TMEM178A: variants seen among roughly 807,000 people sequenced by gnomAD.
TMEM178A encodes transmembrane protein 178A.
TMEM178A carries 12 observed loss-of-function variants against 29.1 expected under a neutral mutation model. That is an observed-to-expected ratio of 0.41 (90% CI 0.26 to 0.67). The LOEUF is 0.67. Ranked by LOEUF, TMEM178A falls within the 30% of genes least tolerant of loss-of-function variation. TMEM178A has a pLI of 0.29. For synonymous variants in TMEM178A, 210 were observed against 187.2 expected (o/e 1.12, Z -0.99); for missense variants, 366 against 419.1 (o/e 0.87, Z 1.11).
At chr2:39,697,521 ACTCAGCTGTGGAGCTCTGGGCTTG>A (rs1421045679) in intron 1 of TMEM178A, among the ~76,000 whole-genome samples, 1 of 151,890 alleles carries the variant, frequency 6.6e-6, no homozygotes, top group Admixed American at 6.6e-5. Flanking sequence ...TTTCTTGCAA[ACTCAGCTGTGGAGCTCTGGGCTTG>A]CTACCAGACC....
intron 1 of TMEM178A, among the ~76,000 whole-genome samples, chr2:39,676,936 T>G (rs557779309): frequency 6.6e-6 from 1 of 152,320 alleles, no homozygotes; most frequent in Admixed American, 6.5e-5. Context: ...TTGAGTCTCT[T>G]TAATCTCTAG....
chr2:39,666,887 G>A (rs1017583882), intron 1 of TMEM178A, among the ~76,000 whole-genome samples: 4 of 152,236 alleles, frequency 2.6e-5, no homozygotes, highest in Non-Finnish European at 5.9e-5. Context: ...CCTGTATTGT[G>A]CGGATGCTGG....
At chr2:39,691,263 A>G (rs1199153368) in intron 1 of TMEM178A, among the ~76,000 whole-genome samples, 3 of 152,208 alleles carry the variant, frequency 2.0e-5, no homozygotes, top group Non-Finnish European at 2.9e-5. Flanking sequence ...CTTCTCTGAG[A>G]CATATCATAA....
At chr2:39,689,040 C>T (rs953627906) in intron 1 of TMEM178A, among the ~76,000 whole-genome samples, 67 of 152,298 alleles carry the variant, frequency 4.4e-4, no homozygotes, top group African/African-American at 1.4e-3. Flanking sequence ...TACCAAATGC[C>T]ACTTTCCTAT....
At chr2:39,675,089 A>G (rs374993853) in intron 1 of TMEM178A, among the ~76,000 whole-genome samples, 37 of 152,318 alleles carry the variant, frequency 2.4e-4, no homozygotes, top group African/African-American at 8.7e-4. Flanking sequence ...CCTGTGAGCA[A>G]GGGGGATGCT....
At chr2:39,705,779 A>T (rs2148105510) in intron 2 of TMEM178A, among the ~76,000 whole-genome samples, 1 of 152,302 alleles carries the variant, frequency 6.6e-6, no homozygotes, top group African/African-American at 2.4e-5. Flanking sequence ...CTGCATGGGC[A>T]CTTTCACTTT....
At chr2:39,701,453 C>T (rs1255063020) in intron 1 of TMEM178A, among the ~76,000 whole-genome samples, 6 of 151,942 alleles carry the variant, frequency 3.9e-5, no homozygotes, top group Non-Finnish European at 7.4e-5. Context: ...TGATAATTTG[C>T]TTTTTTCTTG....
intron 2 of TMEM178A, among the ~76,000 whole-genome samples, chr2:39,705,401 C>T (rs1245846485): frequency 6.6e-6 from 1 of 152,174 alleles, no homozygotes; most frequent in Non-Finnish European, 1.5e-5. Flanking sequence ...AGAAAATAGA[C>T]TATCACTCAA....
intron 3 of TMEM178A, among the ~76,000 whole-genome samples, chr2:39,714,792 G>A (rs984535680): frequency 2.0e-5 from 3 of 152,146 alleles, no homozygotes; most frequent in African/African-American, 7.2e-5. Flanking sequence ...GGGGAGAGGA[G>A]CTAATGAAAG....
chr2:39,669,549 A>T (rs182661627), intron 1 of TMEM178A, among the ~76,000 whole-genome samples: 91 of 152,316 alleles, frequency 6.0e-4, no homozygotes, highest in Admixed American at 4.3e-3. Flanking sequence ...TCTTATTATG[A>T]TACAAGTTCA....
downstream of TMEM178A, among the ~76,000 whole-genome samples, chr2:39,720,467 C>T (rs1441875384): frequency 2.6e-5 from 4 of 152,186 alleles, no homozygotes; most frequent in Admixed American, 6.5e-5. Context: ...TGGGGACACC[C>T]CCTCCTCTGC....
chr2:39,712,818 A>G (rs1672370671), intron 3 of TMEM178A, among the ~76,000 whole-genome samples: 1 of 152,168 alleles, frequency 6.6e-6, no homozygotes, highest in South Asian at 2.1e-4. Flanking sequence ...TAGATTTTGA[A>G]CTTTCTGAAT....
chr2:39,709,708 T>C (rs115130618), intron 3 of TMEM178A, among the ~76,000 whole-genome samples: 3 of 152,098 alleles, frequency 2.0e-5, no homozygotes, highest in Non-Finnish European at 4.4e-5. Flanking sequence ...CTTGTCTCCA[T>C]AAATATCAAA....
intron 1 of TMEM178A, among the ~76,000 whole-genome samples, chr2:39,668,858 A>G (rs1466198212): frequency 1.3e-5 from 2 of 152,242 alleles, no homozygotes; most frequent in East Asian, 3.8e-4. Flanking sequence ...ATAATTTGAG[A>G]AAAGAAAATG....
intron 2 of TMEM178A, 148 bp downstream of exon 2, chr2:39,704,342 A>G: frequency 1.5e-6 from 1 of 655,414 alleles, no homozygotes; most frequent in Non-Finnish European, 2.6e-6. Context: ...GACTCAGAGG[A>G]TCATTTCCCT....
At chr2:39,707,218 G>A (rs1672072229) in intron 3 of TMEM178A, 32 bp downstream of exon 3, 1 of 1,585,630 alleles carries the variant, frequency 6.3e-7, no homozygotes. Context: ...GTCTGTCCCA[G>A]CCAAGGTGAA....
At chr2:39,673,511 C>G (rs943292742) in intron 1 of TMEM178A, among the ~76,000 whole-genome samples, 4 of 152,158 alleles carry the variant, frequency 2.6e-5, no homozygotes, top group African/African-American at 9.7e-5. Context: ...CCCTAAGAAC[C>G]TAAAGGATGT....
chr2:39,678,524 T>G (rs555486721), intron 1 of TMEM178A, among the ~76,000 whole-genome samples: 2 of 152,290 alleles, frequency 1.3e-5, no homozygotes, highest in East Asian at 3.9e-4. Context: ...ATATACAGAT[T>G]AGGCAAACCC....
At chr2:39,707,488 T>C (rs568140092) in intron 3 of TMEM178A, among the ~76,000 whole-genome samples, 1 of 152,328 alleles carries the variant, frequency 6.6e-6, no homozygotes, top group East Asian at 1.9e-4. Flanking sequence ...TTTTGTTTTT[T>C]TGAGATGGAG....
Sources: gnomAD v4.1 joint callset for allele counts (sites outside exome capture counted in the v4.1 genomes callset) on GRCh38, gnomAD v4.1.1 for gene constraint, MANE v1.5 for transcripts, NCBI Gene and HGNC (gene_info 2026-07-23, HGNC 2026-07-21) for gene names.